Variants in RAD51B observed in about 807,000 individuals in gnomAD.
The protein encoded by RAD51B is RAD51 paralog B, also known as DNA repair protein RAD51 homolog 2.
Under a neutral mutation model 42.2 loss-of-function variants are expected in RAD51B, and 38 were observed. The ratio of observed to expected loss-of-function variants is 0.90; its 90% confidence interval spans 0.70 to 1.18. The LOEUF is 1.18. Ranked by LOEUF, RAD51B falls within the 50% of genes most tolerant of loss-of-function variation. RAD51B has a pLI of 0.00. For synonymous variants in RAD51B, 154 were observed against 145.2 expected (o/e 1.06, Z -0.43); for missense variants, 373 against 400.7 (o/e 0.93, Z 0.59).
intron 9 of RAD51B, among the ~76,000 whole-genome samples, chr14:68,436,322 A>T (rs1399615706): frequency 6.6e-6 from 1 of 152,166 alleles, no homozygotes; most frequent in Non-Finnish European, 1.5e-5. Context: ...TGAAGATCAG[A>T]TGACTGTAGG....
At chr14:68,090,922 A>G (rs1182076567) in intron 7 of RAD51B, among the ~76,000 whole-genome samples, 8 of 135,628 alleles carry the variant, frequency 5.9e-5, no homozygotes, top group Admixed American at 1.7e-4. Context: ...TCATTGTTCA[A>G]TTCCCACCTA....
intron 10 of RAD51B, among the ~76,000 whole-genome samples, chr14:68,650,042 C>T (rs1045164066): frequency 4.6e-5 from 7 of 152,154 alleles, no homozygotes; most frequent in Admixed American, 3.3e-4. Flanking sequence ...TCACTCCCCC[C>T]GCAGAGCCTA....
chr14:68,242,707 G>C (rs958891990), intron 7 of RAD51B, among the ~76,000 whole-genome samples: 13 of 152,314 alleles, frequency 8.5e-5, no homozygotes, highest in Non-Finnish European at 1.6e-4. Flanking sequence ...TAAACGCCAT[G>C]CTAAATAAGT....
In RAD51B at chr14:68,262,704, G is replaced by A. The variant is rs181330028; in HGVS notation, c.757-29180G>A. Among the ~76,000 whole-genome samples, 7 of 152,284 alleles carry A rather than the reference G, an allele frequency of 4.6e-5. No homozygotes were observed. In the East Asian group the frequency reaches 9.7e-4, roughly 21 times the overall value. ...GGCATTTGTGAAAATTGCAGAAGCA[G>A]GAAGGTCATTCTCTTACTTTCCCCC... On this transcript the variant is annotated intron_variant, in intron 7 of 10. Coordinates refer to ENST00000471583, the MANE Select transcript of RAD51B (RefSeq NM_133510.4).
In RAD51B at chr14:68,648,116, TATATATATACACACAC is replaced by T. The variant is rs1214539471; in HGVS notation, c.1037-2664_1037-2649del. ...GTGTATATATATATACACACACGTA[TATATATATACACACAC>T]GTATATATATATATACACACACGTA... is the stretch of plus-strand genomic sequence containing the variant. On this transcript the variant is annotated intron_variant, in intron 10 of 11. Coordinates refer to the RAD51B transcript ENST00000488612. Among the ~76,000 whole-genome samples the T allele has an allele frequency of 4.5e-4, 40 of 89,608 alleles. 1 individual carries two copies. In the East Asian group the frequency reaches 0.019, roughly 43 times the overall value. 58.8% of individuals were successfully genotyped at this position (89,608 alleles called of 152,430 possible).
chr14:68,064,032 A>G (rs1327311553), intron 7 of RAD51B, among the ~76,000 whole-genome samples: 2 of 151,782 alleles, frequency 1.3e-5, no homozygotes, highest in Non-Finnish European at 2.9e-5. Context: ...TCATTTGTGT[A>G]TCTGCACTGT....
chr14:68,162,312 A>G (rs2078656291), intron 7 of RAD51B, among the ~76,000 whole-genome samples: 1 of 152,206 alleles, frequency 6.6e-6, no homozygotes, highest in South Asian at 2.1e-4. Context: ...AGTTTAAGCT[A>G]ACTTCCCAGA....
chr14:68,354,192 TGTTTTTTGGTTTTTG>T (rs1188507357), intron 8 of RAD51B, among the ~76,000 whole-genome samples: 64 of 150,796 alleles, frequency 4.2e-4, no homozygotes, highest in Non-Finnish European at 8.7e-4. Flanking sequence ...CTTCCAATAA[TGTTTTTTGGTTTTTG>T]GTTTTTTGGT....
chr14:68,622,575 G>A (rs1055793921), intron 10 of RAD51B, among the ~76,000 whole-genome samples: 1 of 152,078 alleles, frequency 6.6e-6, no homozygotes, highest in Non-Finnish European at 1.5e-5. Flanking sequence ...CTCACCCCCA[G>A]AGCCTAACAC....
At chr14:68,043,331 A>G (rs1211158574) in intron 7 of RAD51B, among the ~76,000 whole-genome samples, 1 of 152,206 alleles carries the variant, frequency 6.6e-6, no homozygotes, top group Non-Finnish European at 1.5e-5. Flanking sequence ...GCAGATCCTA[A>G]GATGCATTTT....
intron 7 of RAD51B, among the ~76,000 whole-genome samples, chr14:68,049,095 G>A (rs1299886057): frequency 2.0e-5 from 3 of 151,906 alleles, no homozygotes; most frequent in Non-Finnish European, 2.9e-5. Flanking sequence ...ATTCTCAGCA[G>A]ACTACCGCAA....
chr14:68,098,339 A>G (rs1380191793), intron 7 of RAD51B, among the ~76,000 whole-genome samples: 4 of 152,278 alleles, frequency 2.6e-5, no homozygotes, highest in Non-Finnish European at 5.9e-5. Context: ...ACTATAGTGA[A>G]CAAAATAGTA....
chr14:68,601,199 G>A (rs12894230), intron 10 of RAD51B, among the ~76,000 whole-genome samples: 25,630 of 152,006 alleles, frequency 0.17, 2,758 homozygotes, highest in Non-Finnish European at 0.24. Context: ...GGACCCTGTA[G>A]TTGATCTCAT....
intron 11 of RAD51B, among the ~76,000 whole-genome samples, chr14:68,669,342 C>G (rs1893103122): frequency 6.6e-6 from 1 of 152,250 alleles, no homozygotes; most frequent in Non-Finnish European, 1.5e-5. Context: ...AACTGCCTCC[C>G]TGCCTCCCCT....
chr14:68,129,655 T>C (rs569888825), intron 7 of RAD51B, among the ~76,000 whole-genome samples: 55 of 152,340 alleles, frequency 3.6e-4, no homozygotes, highest in African/African-American at 1.2e-3. Flanking sequence ...GAAAAGATGT[T>C]GGTCATCTAT....
intron 7 of RAD51B, among the ~76,000 whole-genome samples, chr14:67,978,930 C>T (rs2075042503): frequency 6.6e-6 from 1 of 152,204 alleles, no homozygotes; most frequent in Non-Finnish European, 1.5e-5. Flanking sequence ...TAATCAACCT[C>T]ATTTGAAAGT....
chr14:68,088,610 G>A (rs762410699), intron 7 of RAD51B, among the ~76,000 whole-genome samples: 17 of 149,374 alleles, frequency 1.1e-4, no homozygotes, highest in Middle Eastern at 3.4e-3. Context: ...GTGTGTGTGC[G>A]CGTGTGTGTG....
In RAD51B at chr14:67,974,327, A is replaced by T. The variant is rs537538039; in HGVS notation, c.756+87123A>T. On this transcript the variant is annotated intron_variant, in intron 7 of 10. Transcript: ENST00000471583. ...TTACTTCAAAAATGATAGATGGTAC[A>T]TGAATATGTTTAAAAGCCATTGTTT... 3.3e-5 allele frequency among the ~76,000 whole-genome samples: 5 copies of T among 152,218 alleles called. No individual in the cohort carries two copies. In the East Asian group the frequency reaches 9.6e-4, roughly 29 times the overall value.
chr14:68,003,828 A>G (rs529835628), intron 7 of RAD51B, among the ~76,000 whole-genome samples: 6 of 152,256 alleles, frequency 3.9e-5, no homozygotes, highest in Middle Eastern at 3.4e-3. Flanking sequence ...ATTGATTTGC[A>G]TATGTTGAAC....
Sources: allele counts gnomAD v4.1 joint callset (sites outside exome capture counted in the v4.1 genomes callset), GRCh38; gene constraint gnomAD v4.1.1; transcripts MANE v1.5; gene names NCBI Gene and HGNC (gene_info 2026-07-23, HGNC 2026-07-21).